The following TAB2 variants were observed in gnomAD, a reference collection of about 807,000 sequenced individuals.
TAB2 encodes TGF-beta-activated kinase 1 and MAP3K7-binding protein 2.
A neutral mutation model predicts 65.0 loss-of-function variants in TAB2; 3 were observed. The ratio of observed to expected loss-of-function variants is 0.05; its 90% CI spans 0.02 to 0.12. The LOEUF is 0.12. Ranked by LOEUF, TAB2 falls within the 10% of genes least tolerant of loss-of-function variation. The pLI is 1.00. For missense variants in TAB2, 623 were observed against 840.3 expected (o/e 0.74, Z 3.20); for synonymous variants, 298 against 285.1 (o/e 1.05, Z -0.46).
At chr6:149,339,928 A>T (rs1311724500) in intron 1 of TAB2, among the ~76,000 whole-genome samples, 4 of 152,118 alleles carry the variant, frequency 2.6e-5, no homozygotes, top group African/African-American at 7.2e-5. Flanking sequence ...TGCTCTGTTC[A>T]TATTTACTGT....
At chr6:149,409,318 T>C (rs1782765605) in intron 6 of TAB2, among the ~76,000 whole-genome samples, 1 of 152,192 alleles carries the variant, frequency 6.6e-6, no homozygotes, top group South Asian at 2.1e-4. Flanking sequence ...CTACTATAAA[T>C]TGTAGGTAAT....
intron 1 of TAB2, among the ~76,000 whole-genome samples, chr6:149,340,171 A>T (rs1780071675): frequency 6.6e-6 from 1 of 152,206 alleles, no homozygotes; most frequent in Admixed American, 6.5e-5. Context: ...TTTAAAGGAG[A>T]TTCTCCTTAG....
rs1050138004 is a variant in TAB2, at chr6:149,318,029, G to A, written c.-90+14G>A. The A allele has an allele frequency of 2.5e-5, 4 of 160,626 alleles. No individual in the cohort carries two copies. In the South Asian group the frequency reaches 4.3e-4, roughly 17 times the overall value. The allele number at this position is 160,626 out of a possible 1,614,324, so 10.0% of individuals were successfully genotyped here. A position where few individuals can be genotyped will look rare whatever the true frequency, so the allele number is the denominator to read the frequency against. ...CGGCGGCAAAGGGTAAGCGGACAGC[G>A]CTGCCGGGCCTCGGCGGGATCCCCA... is the stretch of plus-strand genomic sequence containing the variant. On this transcript the variant is annotated intron_variant, in intron 1 of 6. Transcript: ENST00000637181.
chr6:149,312,078 G>A (rs1258406767), intron 1 of TAB2, among the ~76,000 whole-genome samples: 1 of 152,168 alleles, frequency 6.6e-6, no homozygotes, highest in Non-Finnish European at 1.5e-5. Context: ...TCTAGTCCTG[G>A]CGCAAAGGGT....
intron 6 of TAB2, among the ~76,000 whole-genome samples, chr6:149,403,930 C>T (rs186564223): frequency 1.3e-5 from 2 of 152,190 alleles, no homozygotes; most frequent in Admixed American, 1.3e-4. Flanking sequence ...CTGGGGATTA[C>T]ATTTCAATAT....
At chr6:149,364,967 T>C (rs1780992702) in intron 1 of TAB2, among the ~76,000 whole-genome samples, 1 of 151,986 alleles carries the variant, frequency 6.6e-6, no homozygotes, top group South Asian at 2.1e-4. Flanking sequence ...TACATAATCT[T>C]TAAGAAAGGA....
rs35800835 is a variant in TAB2 at position 149,398,964 on chromosome 6, A to G, written c.1859-140A>G. 8,155 of 696,052 alleles carry G rather than the reference A, an allele frequency of 0.012. 76 individuals are homozygous for G. The highest frequency in any genetic ancestry group is 0.019 in the Middle Eastern group (48 of 2,528). The allele number at this position is 696,052 out of a possible 1,614,324, so 43.1% of individuals were successfully genotyped here. On this transcript the variant is annotated intron_variant, in intron 5 of 6. Coordinates refer to ENST00000637181, the MANE Select transcript of TAB2 (RefSeq NM_001292034.3). ...TGAAATATGTTTTGAAATCTTACAT[A>G]TAATTCGAGGTTAGAGGGGCAAAAT... is the stretch of plus-strand genomic sequence containing the variant.
intron 1 of TAB2, among the ~76,000 whole-genome samples, chr6:149,289,565 G>C (rs942932861): frequency 2.0e-5 from 3 of 152,158 alleles, no homozygotes. Flanking sequence ...TGCCTGACCT[G>C]ACCTCATTTT....
chr6:149,268,551 T>C (rs889763195), intron 1 of TAB2, among the ~76,000 whole-genome samples: 7 of 152,194 alleles, frequency 4.6e-5, no homozygotes, highest in Admixed American at 1.3e-4. Context: ...GACTGTGAGA[T>C]CCTTGCATTG....
At chr6:149,375,515 GAATT>G (rs780280211) in intron 2 of TAB2, among the ~76,000 whole-genome samples, 10 of 152,090 alleles carry the variant, frequency 6.6e-5, no homozygotes, top group Non-Finnish European at 1.5e-4. Flanking sequence ...GCGCTCAAGA[GAATT>G]AAAGAGGAAG....
intron 1 of TAB2, among the ~76,000 whole-genome samples, chr6:149,285,595 C>A (rs532414052): frequency 1.3e-5 from 2 of 152,332 alleles, no homozygotes; most frequent in African/African-American, 4.8e-5. Context: ...TACTTACATA[C>A]CCTCTTTGTC....
Position 149,358,324 on chromosome 6 carries a change from T to C in TAB2, c.-89-11585T>C, listed in dbSNP as rs532006703. Among the ~76,000 whole-genome samples, 4 of 151,092 alleles carry C rather than the reference T, an allele frequency of 2.6e-5. No individual in the cohort carries two copies. The South Asian group carries it at 8.3e-4, about 31-fold the overall frequency. ...GGTAATTTTATACAGTATTTTACAT[T>C]ATTCTGCACATGAAGCAAGTTTGTC... On this transcript the variant is annotated intron_variant, in intron 1 of 6. Transcript: ENST00000637181.
At chr6:149,318,846 G>T (rs1277870771) in intron 1 of TAB2, 1 of 152,152 alleles carries the variant, frequency 6.6e-6, no homozygotes, top group Non-Finnish European at 1.5e-5. Flanking sequence ...GAGATGTTAG[G>T]TTTCCATTCT....
intron 6 of TAB2, among the ~76,000 whole-genome samples, chr6:149,406,554 G>A (rs1053619625): frequency 4.6e-5 from 7 of 151,926 alleles, no homozygotes; most frequent in Non-Finnish European, 7.4e-5. Context: ...CCAGCCTGCC[G>A]TCTGTTTTTG....
intron 2 of TAB2, among the ~76,000 whole-genome samples, chr6:149,374,351 CTGGGGCTG>C (rs1035501965): frequency 1.8e-4 from 28 of 152,252 alleles, no homozygotes; most frequent in South Asian, 6.2e-4. Flanking sequence ...TTCTGAGTAG[CTGGGGCTG>C]CAGGTGTCCT....
Position 149,296,035 on chromosome 6 carries a change from G to T in TAB2, c.-121+77259G>T, listed in dbSNP as rs1469669179. On this transcript the variant is annotated intron_variant, in intron 1 of 1. Transcript: ENST00000606202. Reference sequence around the variant, plus strand: ...TCTGCCCACCTCGGCCTCCCAAAGTGCTGGATTACAGGCATAAGCCATTGC... The same window carrying T: ...TCTGCCCACCTCGGCCTCCCAAAGTTCTGGATTACAGGCATAAGCCATTGC... Among the ~76,000 whole-genome samples the T allele has an allele frequency of 1.1e-4, 16 of 152,212 alleles. 1 individual carries two copies. The highest frequency in any genetic ancestry group is 2.9e-5 in the Non-Finnish European group (2 of 68,044).
At chr6:149,350,205 T>C (rs1358038608) in intron 1 of TAB2, among the ~76,000 whole-genome samples, 2 of 152,136 alleles carry the variant, frequency 1.3e-5, no homozygotes, top group Admixed American at 1.3e-4. Flanking sequence ...GTGCTAGGAT[T>C]ACAGACGTAA....
At chr6:149,361,918 G>A (rs993431085) in intron 1 of TAB2, among the ~76,000 whole-genome samples, 5 of 152,132 alleles carry the variant, frequency 3.3e-5, no homozygotes, top group African/African-American at 4.8e-5. Flanking sequence ...CTTTGCTAAG[G>A]CATAACAAGG....
At chr6:149,291,951 T>C (rs1778786512) in intron 1 of TAB2, among the ~76,000 whole-genome samples, 1 of 152,194 alleles carries the variant, frequency 6.6e-6, no homozygotes, top group Non-Finnish European at 1.5e-5. Context: ...TTGCTGGTCA[T>C]ATAAATAGTA....
Sources: allele counts gnomAD v4.1 joint callset (sites outside exome capture counted in the v4.1 genomes callset), GRCh38; gene constraint gnomAD v4.1.1; transcripts MANE v1.5; gene names NCBI Gene and HGNC (gene_info 2026-07-23, HGNC 2026-07-21).